The following ST18 variants were observed in gnomAD, a reference collection of about 807,000 sequenced individuals.
ST18 encodes ST18 C2H2C-type zinc finger transcription factor.
In ST18, 50 loss-of-function variants were observed where a neutral mutation model predicts 110.0. That is an observed-to-expected ratio of 0.45 (90% CI 0.36 to 0.58). The LOEUF is 0.58. Ranked by LOEUF, ST18 falls within the 20% of genes least tolerant of loss-of-function variation. The pLI is 0.00. For missense variants in ST18, 1,306 were observed against 1,280.1 expected (o/e 1.02, Z -0.31); for synonymous variants, 461 against 452.4 (o/e 1.02, Z -0.24).
chr8:52,178,824 A>G (rs917124092), intron 9 of ST18, among the ~76,000 whole-genome samples: 8 of 152,060 alleles, frequency 5.3e-5, no homozygotes, highest in Middle Eastern at 3.4e-3. Context: ...ATTTACTTAA[A>G]TACCTTCAAA....
At chr8:52,309,520 CAAA>C (rs756214451) in intron 2 of ST18, among the ~76,000 whole-genome samples, 6 of 37,758 alleles carry the variant, frequency 1.6e-4, no homozygotes, top group South Asian at 1.6e-3. Context: ...GACTCCATCT[CAAA>C]AAAAAAAAAA....
intron 2 of ST18, among the ~76,000 whole-genome samples, chr8:52,333,417 C>T (rs185311274): frequency 6.6e-6 from 1 of 152,056 alleles, no homozygotes; most frequent in Admixed American, 6.5e-5. Flanking sequence ...ATGAGTCAGA[C>T]ACATTTTCTT....
At chr8:52,216,328 T>C (rs1360489923) in intron 6 of ST18, among the ~76,000 whole-genome samples, 1 of 152,202 alleles carries the variant, frequency 6.6e-6, no homozygotes, top group East Asian at 1.9e-4. Flanking sequence ...TCCCTTTGAC[T>C]GTGCTTGGAA....
intron 2 of ST18, among the ~76,000 whole-genome samples, chr8:52,343,488 G>A (rs1174648483): frequency 1.3e-5 from 2 of 152,258 alleles, no homozygotes; most frequent in Admixed American, 1.3e-4. Flanking sequence ...AACAAACGGT[G>A]GGGACCGTGC....
At chr8:52,353,350 A>G (rs376423283) in intron 2 of ST18, among the ~76,000 whole-genome samples, 4 of 152,368 alleles carry the variant, frequency 2.6e-5, no homozygotes, top group East Asian at 3.9e-4. Flanking sequence ...ACCATAAATA[A>G]TGTAGTGCCC....
At chr8:52,175,699 C>T (rs2066651715) in intron 9 of ST18, among the ~76,000 whole-genome samples, 1 of 152,166 alleles carries the variant, frequency 6.6e-6, no homozygotes, top group South Asian at 2.1e-4. Context: ...ACAATAAGCA[C>T]AAGAAAGGCA....
chr8:52,339,440 T>G (rs2140175823), intron 2 of ST18, among the ~76,000 whole-genome samples: 1 of 152,352 alleles, frequency 6.6e-6, no homozygotes, highest in East Asian at 1.9e-4. Context: ...AACCTCACCA[T>G]GGAGGTAAGC....
chr8:52,143,575 T>G (rs2056127304), intron 16 of ST18, among the ~76,000 whole-genome samples: 1 of 152,242 alleles, frequency 6.6e-6, no homozygotes, highest in South Asian at 2.1e-4. Flanking sequence ...TGAAAAAGTG[T>G]AATTGATATG....
intron 2 of ST18, among the ~76,000 whole-genome samples, chr8:52,362,094 G>A (rs551433418): frequency 2.0e-5 from 3 of 152,158 alleles, no homozygotes; most frequent in Admixed American, 6.5e-5. Context: ...ATCAGCTTTC[G>A]TTTCATGCTA....
At chr8:52,171,615 G>A (rs1176727747) in intron 10 of ST18, 177 bp downstream of exon 10, 2 of 743,214 alleles carry the variant, frequency 2.7e-6, no homozygotes, top group African/African-American at 1.7e-5. Context: ...AGCTTGATTG[G>A]AGGATAATCT....
At chr8:52,330,676 C>G (rs1398435731) in intron 2 of ST18, among the ~76,000 whole-genome samples, 2 of 152,200 alleles carry the variant, frequency 1.3e-5, no homozygotes. Flanking sequence ...TGGAGATGAC[C>G]GGCTCTGGGC....
chr8:52,341,803 G>A (rs750549723), intron 2 of ST18, among the ~76,000 whole-genome samples: 16 of 152,086 alleles, frequency 1.1e-4, no homozygotes, highest in South Asian at 8.3e-4. Flanking sequence ...CTGTACTGTC[G>A]GACACAGAGC....
intron 8 of ST18, among the ~76,000 whole-genome samples, chr8:52,188,417 G>T (rs2073211776): frequency 6.6e-6 from 1 of 152,218 alleles, no homozygotes; most frequent in South Asian, 2.1e-4. Context: ...ATAGCACCGT[G>T]CAAGGCACAT....
At chr8:52,178,846 CTTTGT>C (rs2068161773) in intron 9 of ST18, among the ~76,000 whole-genome samples, 1 of 151,706 alleles carries the variant, frequency 6.6e-6, no homozygotes, top group Non-Finnish European at 1.5e-5. Flanking sequence ...CAGAATACAA[CTTTGT>C]TTTAAGCGCA....
chr8:52,200,542 T>A (rs1304923751), intron 8 of ST18, among the ~76,000 whole-genome samples: 1 of 152,132 alleles, frequency 6.6e-6, no homozygotes, highest in Non-Finnish European at 1.5e-5. Context: ...AAAGATGTGG[T>A]CTTTTCCTTT....
chr8:52,142,706 T>C (rs993976826), intron 17 of ST18, among the ~76,000 whole-genome samples: 2 of 152,198 alleles, frequency 1.3e-5, no homozygotes, highest in African/African-American at 2.4e-5. Context: ...CATTTCTAAT[T>C]GTGTTATCTT....
intron 22 of ST18, among the ~76,000 whole-genome samples, chr8:52,128,335 T>C (rs2047914321): frequency 6.6e-6 from 1 of 152,244 alleles, no homozygotes; most frequent in Admixed American, 6.5e-5. Context: ...ATGTATCTCG[T>C]GAACATAATT....
chr8:52,224,653 A>G (rs914700522), intron 3 of ST18, among the ~76,000 whole-genome samples: 1 of 152,224 alleles, frequency 6.6e-6, no homozygotes, highest in Non-Finnish European at 1.5e-5. Flanking sequence ...GGTCAATGGT[A>G]TCTCGCTTAC....
chr8:52,186,706 G>C (rs1262390449), intron 8 of ST18, among the ~76,000 whole-genome samples: 1 of 152,216 alleles, frequency 6.6e-6, no homozygotes, highest in Non-Finnish European at 1.5e-5. Flanking sequence ...TCATGGCTCT[G>C]AATACGCTAG....
Sources: allele counts gnomAD v4.1 joint callset (sites outside exome capture counted in the v4.1 genomes callset), GRCh38; gene constraint gnomAD v4.1.1; transcripts MANE v1.5; gene names NCBI Gene and HGNC (gene_info 2026-07-23, HGNC 2026-07-21).